Variants in ACSS3 observed in about 807,000 individuals in gnomAD.
The protein encoded by ACSS3 is acyl-CoA synthetase short-chain family member 3, mitochondrial.
ACSS3 carries 64 observed loss-of-function variants against 84.2 expected under a neutral mutation model. The observed-to-expected ratio is 0.76, with a 90% confidence interval of 0.62 to 0.94. The LOEUF (loss-of-function observed/expected upper bound fraction) is 0.94, where lower values mean the gene tolerates loss of function less well. Ranked by LOEUF, ACSS3 falls within the 40% of genes least tolerant of loss-of-function variation. The pLI, the probability that ACSS3 is intolerant of heterozygous loss-of-function variation, is 0.00. For synonymous variants in ACSS3, 317 were observed against 310.1 expected, an observed-to-expected ratio of 1.02 and a Z score of -0.23; for missense variants, 815 against 867.6, an observed-to-expected ratio of 0.94 and a Z score of 0.76.
At chr12:81,169,200 G>A (rs910819822) in intron 7 of ACSS3, among the ~76,000 whole-genome samples, 2 of 152,138 alleles carry the variant, frequency 1.3e-5, no homozygotes, top group Non-Finnish European at 2.9e-5. Flanking sequence ...TACAGGTGAG[G>A]CCTACAGAAT....
intron 5 of ACSS3, among the ~76,000 whole-genome samples, chr12:81,147,476 A>G (rs906201724): frequency 6.6e-6 from 1 of 152,220 alleles, no homozygotes; most frequent in Admixed American, 6.5e-5. Context: ...AAGGCACAGC[A>G]CTAGGTGGGG....
Position 81,078,407 on chromosome 12 carries a change from A to G in ACSS3, c.287A>G (p.Asn96Ser). ...AAGCCCTGGACCAAAACGCTGGAGA[A>G]CAAACACTCGCCCTCTACCAGGTGG... Reference protein sequence around the residue: ...WYKPWTKTLENKHSPSTRWFV... With the variant: ...WYKPWTKTLESKHSPSTRWFV... Residue 96 changes from asparagine to serine, a missense_variant, in exon 1 of 16, where the codon AAC becomes AGC. Physicochemically the swap from Asn to Ser is conservative, Grantham distance 46. Transcript: ENST00000548058. The G allele has an allele frequency of 6.2e-7, 1 of 1,612,584 alleles. No homozygotes were observed. The highest frequency in any genetic ancestry group is 1.3e-5 in the African/African-American group (1 of 74,956).
At chr12:81,099,463 T>A (rs144154665) in intron 1 of ACSS3, among the ~76,000 whole-genome samples, 1 of 152,194 alleles carries the variant, frequency 6.6e-6, no homozygotes, top group African/African-American at 2.4e-5. Context: ...CAACTAAATA[T>A]GGTTGTGTTG....
chr12:81,138,146 T>C (rs1015310326), intron 3 of ACSS3, among the ~76,000 whole-genome samples: 3 of 152,192 alleles, frequency 2.0e-5, no homozygotes, highest in Non-Finnish European at 4.4e-5. Flanking sequence ...ATACTTTGGG[T>C]CAATTATCTG....
chr12:81,253,245 A>T (rs2136019846), intron 13 of ACSS3, 62 bp from the exon 14 acceptor site: 1 of 1,468,800 alleles, frequency 6.8e-7, no homozygotes, highest in South Asian at 1.1e-5. Flanking sequence ...CTATATCTAT[A>T]TGTTGAATAT....
chr12:81,246,076 C>T (rs575852490), intron 13 of ACSS3, among the ~76,000 whole-genome samples: 50 of 152,204 alleles, frequency 3.3e-4, no homozygotes, highest in African/African-American at 1.2e-3. Context: ...CAACAGCGAC[C>T]CACTCTCAGG....
intron 1 of ACSS3, among the ~76,000 whole-genome samples, chr12:81,101,221 T>G (rs1400950320): frequency 6.6e-6 from 1 of 152,158 alleles, no homozygotes; most frequent in Admixed American, 6.5e-5. Context: ...TTTACTTAAA[T>G]ATTTTTATTT....
In ACSS3 at chr12:81,078,198, G is replaced by A; in HGVS notation, c.78G>A (p.Pro26=). Reference sequence around the variant, plus strand: ...GAGGGCCCTTGCCTGGGTCCTCTCCGGCCCGGGGAGCCGGTGCGGCCCTCA... The same window carrying A: ...GAGGGCCCTTGCCTGGGTCCTCTCCAGCCCGGGGAGCCGGTGCGGCCCTCA... ...GLGGPLPGSS[P]ARGAGAALRA... The change falls in exon 1 of 16, where the codon CCG becomes CCA. Residue 26 remains proline, a synonymous_variant. Coordinates refer to ENST00000548058, the MANE Select transcript of ACSS3 (RefSeq NM_024560.4). The A allele has an allele frequency of 1.9e-6, 3 of 1,560,150 alleles. No homozygotes were observed. Among genetic ancestry groups the A allele is most frequent in the Non-Finnish European group, 2.6e-6 (3 of 1,156,720 alleles).
chr12:81,083,976 A>G (rs1881158541), intron 1 of ACSS3, among the ~76,000 whole-genome samples: 1 of 152,032 alleles, frequency 6.6e-6, no homozygotes, highest in Non-Finnish European at 1.5e-5. Context: ...AAACAAGAAC[A>G]ACAACAAAAA....
chr12:81,195,882 T>G (rs1290062219), intron 8 of ACSS3, among the ~76,000 whole-genome samples: 1 of 152,104 alleles, frequency 6.6e-6, no homozygotes, highest in African/African-American at 2.4e-5. Flanking sequence ...CCTAGATAAT[T>G]TTGAATATGC....
At chr12:81,179,217 T>G (rs1372921789) in intron 8 of ACSS3, among the ~76,000 whole-genome samples, 1 of 144,876 alleles carries the variant, frequency 6.9e-6, no homozygotes, top group Non-Finnish European at 1.5e-5. Flanking sequence ...AAAATAGCAT[T>G]CTGGACATAG....
At chr12:81,202,320 TA>T (rs1352014960) in intron 9 of ACSS3, among the ~76,000 whole-genome samples, 3 of 151,548 alleles carry the variant, frequency 2.0e-5, no homozygotes, top group Non-Finnish European at 4.4e-5. Context: ...AAAAATAAAA[TA>T]AAATTTCAAC....
chr12:81,171,142 G>A (rs1201325969), intron 7 of ACSS3, among the ~76,000 whole-genome samples: 1 of 152,000 alleles, frequency 6.6e-6, no homozygotes, highest in Non-Finnish European at 1.5e-5. Flanking sequence ...ATTAAAGCAG[G>A]ACCTTATCCG....
intron 7 of ACSS3, among the ~76,000 whole-genome samples, chr12:81,167,266 T>C (rs913673724): frequency 6.6e-6 from 1 of 152,122 alleles, no homozygotes; most frequent in African/African-American, 2.4e-5. Flanking sequence ...GGGGGTTGGC[T>C]TCATTATAAG....
intron 11 of ACSS3, 80 bp from the exon 12 acceptor site, chr12:81,230,977 A>G (rs1013334609): frequency 7.7e-6 from 8 of 1,037,412 alleles, no homozygotes; most frequent in East Asian, 2.4e-5. Flanking sequence ...TATCTGTCAC[A>G]GTAGAAAAAT....
intron 8 of ACSS3, among the ~76,000 whole-genome samples, chr12:81,186,858 T>C (rs1050054478): frequency 3.3e-5 from 5 of 151,822 alleles, no homozygotes; most frequent in Non-Finnish European, 5.9e-5. Context: ...GTCTTCTGGG[T>C]ATATACTCAA....
intron 9 of ACSS3, among the ~76,000 whole-genome samples, chr12:81,204,825 C>A (rs572332435): frequency 6.6e-6 from 1 of 152,200 alleles, no homozygotes; most frequent in Admixed American, 6.6e-5. Flanking sequence ...TTGAGCAGCA[C>A]TAGGTGATTT....
chr12:81,218,958 T>G (rs1410181928), intron 10 of ACSS3, among the ~76,000 whole-genome samples: 1 of 152,090 alleles, frequency 6.6e-6, no homozygotes, highest in African/African-American at 2.4e-5. Context: ...CGCAGGATCC[T>G]TTTAGGAAAG....
intron 1 of ACSS3, chr12:81,094,308 T>A (rs1305890689): frequency 1.3e-5 from 2 of 152,156 alleles, no homozygotes; most frequent in African/African-American, 4.8e-5. Flanking sequence ...GTTCCCACCA[T>A]CTTTTTCCTT....
Sources: allele counts gnomAD v4.1 joint callset (sites outside exome capture counted in the v4.1 genomes callset), GRCh38; gene constraint gnomAD v4.1.1; transcripts MANE v1.5; gene names NCBI Gene and HGNC (gene_info 2026-07-23, HGNC 2026-07-21).